Variants in TMPRSS15 observed in about 807,000 individuals in gnomAD.
TMPRSS15 encodes the protein transmembrane serine protease 15, also known as enteropeptidase.
TMPRSS15 carries 128 observed loss-of-function variants against 125.3 expected under a neutral mutation model. The ratio of observed to expected loss-of-function variants is 1.02; its 90% CI spans 0.89 to 1.18. The LOEUF is 1.18. TMPRSS15 is among the 50% of genes most tolerant of loss of function. The pLI, the probability that TMPRSS15 is intolerant of heterozygous loss-of-function variation, is 0.00. For missense variants in TMPRSS15, 1,283 were observed against 1,212.7 expected (o/e 1.06, Z -0.86); for synonymous variants, 446 against 423.2 (o/e 1.05, Z -0.66).
chr21:18,295,352 C>T (rs917074129), intron 19 of TMPRSS15, among the ~76,000 whole-genome samples: 4 of 152,160 alleles, frequency 2.6e-5, no homozygotes, highest in African/African-American at 9.7e-5. Flanking sequence ...ACTTATCAGC[C>T]ACTAGAGATC....
intron 1 of TMPRSS15, among the ~76,000 whole-genome samples, chr21:18,446,326 G>A (rs2076255727): frequency 1.3e-5 from 2 of 152,074 alleles, no homozygotes; most frequent in Admixed American, 6.5e-5. Flanking sequence ...TCAAAAGATA[G>A]TCCATGTTCA....
chr21:18,399,251 T>C (rs1276861640), intron 1 of TMPRSS15, among the ~76,000 whole-genome samples: 1 of 152,080 alleles, frequency 6.6e-6, no homozygotes, highest in Non-Finnish European at 1.5e-5. Context: ...GTAAAGGTCT[T>C]AGGCAACAGA....
At chr21:18,369,994 T>C (rs1432387195) in intron 6 of TMPRSS15, among the ~76,000 whole-genome samples, 1 of 89,308 alleles carries the variant, frequency 1.1e-5, no homozygotes, top group African/African-American at 4.0e-5. Context: ...AAAAAGAAAA[T>C]CAAGAAAATG....
At chr21:18,283,060 A>C (rs920583028) in intron 21 of TMPRSS15, among the ~76,000 whole-genome samples, 1 of 152,196 alleles carries the variant, frequency 6.6e-6, no homozygotes, top group Non-Finnish European at 1.5e-5. Flanking sequence ...AGGCTTGACA[A>C]GAGGTCTTCG....
intron 10 of TMPRSS15, among the ~76,000 whole-genome samples, chr21:18,345,591 A>G (rs7283358): frequency 0.23 from 34,160 of 145,880 alleles, 4,145 homozygotes; most frequent in South Asian, 0.26. Flanking sequence ...AATACAAAAA[A>G]TTAGCTGGGC....
At chr21:18,443,450 T>C (rs2076247503) in intron 1 of TMPRSS15, among the ~76,000 whole-genome samples, 2 of 152,298 alleles carry the variant, frequency 1.3e-5, no homozygotes, top group African/African-American at 4.8e-5. Context: ...CACAGGGACC[T>C]GTGTAAAACT....
chr21:18,281,337 C>A (rs536259196), intron 21 of TMPRSS15, 116 bp from the exon 22 acceptor site: 2 of 913,892 alleles, frequency 2.2e-6, no homozygotes. Context: ...TCTTTAATTT[C>A]TCTGAAGAAT....
At chr21:18,281,303 G>T in intron 21 of TMPRSS15, 82 bp from the exon 22 acceptor site, 3 of 1,176,354 alleles carry the variant, frequency 2.6e-6, no homozygotes, top group South Asian at 1.2e-5. Flanking sequence ...TGACATTTCA[G>T]AATATGTTTC....
At chr21:18,439,766 T>G (rs979290506) in intron 1 of TMPRSS15, among the ~76,000 whole-genome samples, 44 of 151,958 alleles carry the variant, frequency 2.9e-4, no homozygotes, top group Non-Finnish European at 3.8e-4. Context: ...AGGCAGAAAA[T>G]TACAGCACAA....
At chr21:18,395,197 A>AT (rs1264332461) in intron 3 of TMPRSS15, among the ~76,000 whole-genome samples, 14 of 152,228 alleles carry the variant, frequency 9.2e-5, no homozygotes, top group African/African-American at 3.1e-4. Context: ...ACTGAGAAAC[A>AT]TACAGCAAAC....
At chr21:18,481,356 A>G (rs1978977620) in intron 1 of TMPRSS15, among the ~76,000 whole-genome samples, 1 of 151,888 alleles carries the variant, frequency 6.6e-6, no homozygotes, top group South Asian at 2.1e-4. Flanking sequence ...CCACAGCATT[A>G]TTATTATTCA....
At chr21:18,281,683 C>T (rs2074700237) in intron 21 of TMPRSS15, among the ~76,000 whole-genome samples, 1 of 152,154 alleles carries the variant, frequency 6.6e-6, no homozygotes, top group African/African-American at 2.4e-5. Context: ...GGTCACATTT[C>T]ACTGTGGAAA....
chr21:18,468,988 T>G (rs1978723606), intron 1 of TMPRSS15, among the ~76,000 whole-genome samples: 1 of 152,180 alleles, frequency 6.6e-6, no homozygotes, highest in South Asian at 2.1e-4. Context: ...CTGGTGCTAA[T>G]AAAATTTGCA....
chr21:18,339,509 G>A (rs2075426297), intron 13 of TMPRSS15, among the ~76,000 whole-genome samples: 1 of 152,114 alleles, frequency 6.6e-6, no homozygotes, highest in Non-Finnish European at 1.5e-5. Context: ...TCTCCAAACT[G>A]ATTTGCTGAT....
intron 1 of TMPRSS15, among the ~76,000 whole-genome samples, chr21:18,478,809 TA>T (rs1452247787): frequency 2.0e-5 from 3 of 152,000 alleles, no homozygotes; most frequent in Non-Finnish European, 4.4e-5. Context: ...AATGTCAACA[TA>T]AAATTATTGG....
In TMPRSS15 at chr21:18,269,786, C is replaced by T. The variant is rs116659218; in HGVS notation, c.*183G>A. The T allele has an allele frequency of 2.7e-3, 1,623 of 609,380 alleles. 20 individuals are homozygous for T. In the African/African-American group the frequency reaches 0.027, roughly 10 times the overall value. 37.7% of individuals were successfully genotyped at this position (609,380 alleles called of 1,614,324 possible). A position where few individuals can be genotyped will look rare whatever the true frequency, so the allele number is the denominator to read the frequency against. Reference sequence around the variant, plus strand: ...GGTATTTTAAAGTTATTCTGTATTGCTATGGTGAATTTTATTATTTTTAAA... The same window carrying T: ...GGTATTTTAAAGTTATTCTGTATTGTTATGGTGAATTTTATTATTTTTAAA... On this transcript the variant is annotated 3_prime_UTR_variant, in exon 25 of 25. Coordinates refer to ENST00000284885, the MANE Select transcript of TMPRSS15 (RefSeq NM_002772.3).
intron 1 of TMPRSS15, among the ~76,000 whole-genome samples, chr21:18,468,927 T>C (rs373996563): frequency 2.0e-5 from 3 of 152,260 alleles, no homozygotes; most frequent in East Asian, 3.9e-4. Context: ...AAATGTGGAG[T>C]ACGCAGGCGT....
chr21:18,463,603 T>G (rs947503934), intron 1 of TMPRSS15, among the ~76,000 whole-genome samples: 1 of 152,062 alleles, frequency 6.6e-6, no homozygotes, highest in African/African-American at 2.4e-5. Context: ...GCAGACCTAA[T>G]AGACATCTAC....
chr21:18,365,072 G>A, intron 7 of TMPRSS15, 68 bp downstream of exon 7: 1 of 1,265,418 alleles, frequency 7.9e-7, no homozygotes, highest in South Asian at 1.2e-5. Flanking sequence ...ACTACTGAAA[G>A]CAATAAGACG....
Sources: allele counts gnomAD v4.1 joint callset (sites outside exome capture counted in the v4.1 genomes callset), GRCh38; gene constraint gnomAD v4.1.1; transcripts MANE v1.5; gene names NCBI Gene and HGNC (gene_info 2026-07-23, HGNC 2026-07-21).